SEMA3D: variants seen among roughly 807,000 people sequenced by gnomAD.
SEMA3D encodes semaphorin-3D.
In SEMA3D, 84 loss-of-function variants were observed where a neutral mutation model predicts 100.1. The ratio of observed to expected loss-of-function variants is 0.84; its 90% CI spans 0.70 to 1.01. The LOEUF is 1.01. Among genes scored for constraint, SEMA3D ranks in the 50% least tolerant of loss-of-function variants. The pLI, the probability that SEMA3D is intolerant of heterozygous loss-of-function variation, is 0.00. For missense variants in SEMA3D, 875 were observed against 934.1 expected (o/e 0.94, Z 0.82); for synonymous variants, 312 against 320.7 (o/e 0.97, Z 0.29).
At chr7:85,025,681 C>G (rs1790373209) in intron 12 of SEMA3D, among the ~76,000 whole-genome samples, 1 of 151,934 alleles carries the variant, frequency 6.6e-6, no homozygotes, top group South Asian at 2.1e-4. Flanking sequence ...AAAGACTGAA[C>G]TAGGCTTTCA....
At chr7:85,040,213 C>A (rs1790818598) in intron 11 of SEMA3D, among the ~76,000 whole-genome samples, 1 of 151,856 alleles carries the variant, frequency 6.6e-6, no homozygotes, top group Non-Finnish European at 1.5e-5. Flanking sequence ...CTCCTGGGCT[C>A]AAGCCATCCT....
At chr7:85,014,665 C>T (rs1790047344) in intron 16 of SEMA3D, among the ~76,000 whole-genome samples, 2 of 151,506 alleles carry the variant, frequency 1.3e-5, no homozygotes, top group East Asian at 2.0e-4. Context: ...CTTGTACAAT[C>T]ATATATATTT....
At chr7:85,212,256 G>C in the SEMA3D span, among the ~76,000 whole-genome samples, 1 of 152,118 alleles carries the variant, frequency 6.6e-6, no homozygotes, top group Non-Finnish European at 1.5e-5. Context: ...TCTCAAACGA[G>C]GGTCTTATGA....
At chr7:85,184,319 T>C (rs945742234) in intron 1 of SEMA3D, among the ~76,000 whole-genome samples, 1 of 152,188 alleles carries the variant, frequency 6.6e-6, no homozygotes, top group African/African-American at 2.4e-5. Flanking sequence ...TACTAGCTTA[T>C]ATTTGGGCAC....
chr7:85,204,239 G>A, the SEMA3D span, among the ~76,000 whole-genome samples: 1 of 151,736 alleles, frequency 6.6e-6, no homozygotes, highest in Non-Finnish European at 1.5e-5. Flanking sequence ...AGTCATATGA[G>A]AGCAGGACTT....
At chr7:85,250,218 C>T in the SEMA3D span, among the ~76,000 whole-genome samples, 18 of 149,732 alleles carry the variant, frequency 1.2e-4, no homozygotes, top group Admixed American at 1.1e-3. Context: ...GAGGGTCCTA[C>T]GTCCACGGAG....
At chr7:85,031,079 C>CATT (rs1236708384) in intron 12 of SEMA3D, among the ~76,000 whole-genome samples, 1 of 151,962 alleles carries the variant, frequency 6.6e-6, no homozygotes, top group African/African-American at 2.4e-5. Flanking sequence ...GGCTTATTAA[C>CATT]ATTGCAGAGC....
chr7:85,171,498 A>T (rs1791080905), intron 1 of SEMA3D, among the ~76,000 whole-genome samples: 1 of 151,894 alleles, frequency 6.6e-6, no homozygotes, highest in African/African-American at 2.4e-5. Context: ...CATCTTCCCT[A>T]CCTGTGTTCA....
intron 3 of SEMA3D, among the ~76,000 whole-genome samples, chr7:85,104,468 TC>T (rs1169671478): frequency 1.3e-5 from 2 of 152,084 alleles, no homozygotes; most frequent in Non-Finnish European, 2.9e-5. Context: ...TAATCTCTGC[TC>T]TTATTTGAAA....
intron 6 of SEMA3D, among the ~76,000 whole-genome samples, chr7:85,069,729 A>G (rs1382468513): frequency 6.6e-6 from 1 of 152,220 alleles, no homozygotes; most frequent in Admixed American, 6.5e-5. Context: ...ACATTTATTT[A>G]TCACAACTCA....
intron 12 of SEMA3D, among the ~76,000 whole-genome samples, chr7:85,025,456 G>A (rs1472046840): frequency 6.6e-6 from 1 of 151,938 alleles, no homozygotes; most frequent in Non-Finnish European, 1.5e-5. Context: ...GCAAGTCTGC[G>A]TGTTTGTCTA....
chr7:85,151,179 T>C (rs1018434016), intron 2 of SEMA3D, among the ~76,000 whole-genome samples: 3 of 151,874 alleles, frequency 2.0e-5, no homozygotes, highest in Admixed American at 6.6e-5. Flanking sequence ...AGTAAAACTA[T>C]GTAAAAAAAA....
chr7:85,068,075 C>T (rs1990106), intron 7 of SEMA3D, 116 bp downstream of exon 7: 83 of 643,440 alleles, frequency 1.3e-4, no homozygotes, highest in Non-Finnish European at 2.2e-4. Context: ...GGAAACAAAT[C>T]GCTTGTGGAA....
chr7:85,021,267 T>C (rs149065557), intron 13 of SEMA3D, among the ~76,000 whole-genome samples: 1 of 151,916 alleles, frequency 6.6e-6, no homozygotes, highest in Non-Finnish European at 1.5e-5. Flanking sequence ...ATTTTCTCAG[T>C]AAAGGTTAGA....
chr7:85,135,078 G>A (rs764077), intron 2 of SEMA3D, among the ~76,000 whole-genome samples: 87,931 of 151,186 alleles, frequency 0.58, 27,113 homozygotes, highest in African/African-American at 0.8. Context: ...AGATAATGGT[G>A]AGAATTTGAA....
chr7:85,220,828 A>T, the SEMA3D span, among the ~76,000 whole-genome samples: 1 of 152,244 alleles, frequency 6.6e-6, no homozygotes, highest in Non-Finnish European at 1.5e-5. Context: ...GTTATCTCTT[A>T]AACTGATGGT....
intron 2 of SEMA3D, among the ~76,000 whole-genome samples, chr7:85,126,513 G>A (rs1225111164): frequency 6.6e-6 from 1 of 151,448 alleles, no homozygotes; most frequent in Non-Finnish European, 1.5e-5. Context: ...ATACCTTAGT[G>A]GTACATATAA....
chr7:85,200,825 C>T, the SEMA3D span, among the ~76,000 whole-genome samples: 2 of 152,168 alleles, frequency 1.3e-5, no homozygotes, highest in African/African-American at 4.8e-5. Flanking sequence ...CCAGTGTCTC[C>T]ATGCTGTGTG....
intron 13 of SEMA3D, 82 bp downstream of exon 13, chr7:85,022,309 T>C (rs924670024): frequency 2.9e-5 from 26 of 906,056 alleles, no homozygotes; most frequent in Middle Eastern, 5.5e-4. Flanking sequence ...TTTTGACCAA[T>C]AAATATTTTT....
Sources: allele counts gnomAD v4.1 joint callset (sites outside exome capture counted in the v4.1 genomes callset), GRCh38; gene constraint gnomAD v4.1.1; transcripts MANE v1.5; gene names NCBI Gene and HGNC (gene_info 2026-07-23, HGNC 2026-07-21).